PDE4D: variants seen among roughly 807,000 people sequenced by gnomAD.
PDE4D encodes phosphodiesterase 4D.
A neutral mutation model predicts 87.4 loss-of-function variants in PDE4D; 24 were observed. The ratio of observed to expected loss-of-function variants is 0.27; its 90% CI spans 0.20 to 0.39. The LOEUF is 0.39. Ranked by LOEUF, PDE4D falls within the 10% of genes least tolerant of loss-of-function variation. PDE4D has a pLI of 1.00. For synonymous variants in PDE4D, 384 were observed against 383.2 expected, an observed-to-expected ratio of 1.00 and a Z score of -0.02; for missense variants, 714 against 1,041.0, an observed-to-expected ratio of 0.69 and a Z score of 4.32.
intron 1 of PDE4D, among the ~76,000 whole-genome samples, chr5:60,377,715 G>A (rs1003675197): frequency 6.6e-5 from 10 of 152,038 alleles, no homozygotes; most frequent in East Asian, 1.9e-4. Context: ...ATTACTCCCC[G>A]TTAAAGGCTT....
intron 1 of PDE4D, among the ~76,000 whole-genome samples, chr5:59,594,297 TTTA>T (rs992430854): frequency 3.8e-5 from 3 of 79,700 alleles, no homozygotes; most frequent in African/African-American, 1.1e-4. Context: ...TTTTATTTTA[TTTA>T]TTTATTTATT....
rs963010365 is a variant in PDE4D, at chr5:60,024,808, T to C, written c.43-36091A>G. ...AAACATCCATTGAATATATAACATA[T>C]AAATCAATTTGGAAAAACAGTTTGA... is the stretch of plus-strand genomic sequence containing the variant. On this transcript the variant is annotated intron_variant, in intron 2 of 16. Transcript: ENST00000502484. Among the ~76,000 whole-genome samples the C allele has an allele frequency of 5.9e-5, 9 of 151,922 alleles. No individual in the cohort carries two copies. In the South Asian group the frequency reaches 1.9e-3, roughly 31 times the overall value.
intron 2 of PDE4D, among the ~76,000 whole-genome samples, chr5:60,044,490 A>G (rs1469651990): frequency 1.3e-5 from 2 of 152,014 alleles, no homozygotes; most frequent in Non-Finnish European, 2.9e-5. Context: ...CATTAGCTAT[A>G]TCTCCCATTG....
At chr5:59,876,231 T>C (rs1748588586) in intron 1 of PDE4D, among the ~76,000 whole-genome samples, 2 of 152,192 alleles carry the variant, frequency 1.3e-5, no homozygotes, top group Non-Finnish European at 2.9e-5. Context: ...AAGTGAACTG[T>C]GATCTGTGCA....
chr5:59,016,003 C>A (rs933680424), intron 6 of PDE4D, among the ~76,000 whole-genome samples: 5 of 152,154 alleles, frequency 3.3e-5, no homozygotes, highest in African/African-American at 1.2e-4. Context: ...TGGAAGCCAT[C>A]ATTCTGAGCA....
Position 59,860,197 on chromosome 5 carries a change from T to C in PDE4D, c.455+32971A>G, listed in dbSNP as rs1287045717. On this transcript the variant is annotated intron_variant, in intron 1 of 14. Coordinates refer to ENST00000340635, the MANE Select transcript of PDE4D (RefSeq NM_001104631.2). ...GCTTTTTACTGTGAGAATGGATAGG[T>C]TGAGCAAGGATAACAAGAATCAGCC... 2.0e-5 allele frequency among the ~76,000 whole-genome samples: 3 copies of C among 152,032 alleles called. No individual in the cohort carries two copies. The East Asian group carries it at 5.8e-4, about 29-fold the overall frequency.
chr5:59,407,262 G>A (rs531271275), intron 1 of PDE4D, among the ~76,000 whole-genome samples: 3 of 152,252 alleles, frequency 2.0e-5, no homozygotes, highest in East Asian at 1.9e-4. Flanking sequence ...CTATTGCCAC[G>A]TGAGATAGCT....
chr5:59,352,521 G>T (rs1024244047), intron 1 of PDE4D, among the ~76,000 whole-genome samples: 1 of 152,100 alleles, frequency 6.6e-6, no homozygotes, highest in Non-Finnish European at 1.5e-5. Context: ...GTGCAGTTTG[G>T]TTGGGCAATC....
chr5:59,773,991 G>T (rs943625770), intron 1 of PDE4D, among the ~76,000 whole-genome samples: 1 of 152,108 alleles, frequency 6.6e-6, no homozygotes, highest in Non-Finnish European at 1.5e-5. Flanking sequence ...AATTTATCTA[G>T]ACAGAGAATA....
At chr5:60,191,882 C>G (rs547308552) in intron 1 of PDE4D, among the ~76,000 whole-genome samples, 2 of 151,996 alleles carry the variant, frequency 1.3e-5, no homozygotes, top group East Asian at 3.9e-4. Context: ...GCACCTGTAA[C>G]CCAGCTACTC....
chr5:59,951,100 C>T (rs1274229743), intron 3 of PDE4D, among the ~76,000 whole-genome samples: 2 of 151,980 alleles, frequency 1.3e-5, no homozygotes, highest in Non-Finnish European at 2.9e-5. Flanking sequence ...AATGTTGTAA[C>T]ATTTATATTA....
At chr5:59,943,791 G>T (rs1350786663) in intron 3 of PDE4D, among the ~76,000 whole-genome samples, 1 of 152,146 alleles carries the variant, frequency 6.6e-6, no homozygotes, top group Non-Finnish European at 1.5e-5. Flanking sequence ...TAAGGAATGA[G>T]ATTGCAGAAT....
intron 2 of PDE4D, among the ~76,000 whole-genome samples, chr5:60,046,952 C>T (rs1769340604): frequency 6.6e-6 from 1 of 152,168 alleles, no homozygotes. Flanking sequence ...GTACCAGCTC[C>T]TCCTTGTACC....
chr5:59,308,940 G>A (rs1840846), intron 1 of PDE4D, among the ~76,000 whole-genome samples: 34,170 of 151,820 alleles, frequency 0.23, 4,192 homozygotes, highest in Admixed American at 0.34. Flanking sequence ...GGGGGATGGG[G>A]GTGAGATTCC....
intron 1 of PDE4D, among the ~76,000 whole-genome samples, chr5:59,575,029 A>G (rs1822894363): frequency 6.6e-6 from 1 of 152,222 alleles, no homozygotes; most frequent in South Asian, 2.1e-4. Context: ...AGAGAAATTA[A>G]TTAACACTGA....
intron 1 of PDE4D, among the ~76,000 whole-genome samples, chr5:59,736,934 C>T (rs1419174529): frequency 4.6e-5 from 7 of 151,978 alleles, no homozygotes; most frequent in Admixed American, 3.3e-4. Context: ...ACATTTAATA[C>T]AAAAGTATTA....
chr5:59,444,550 C>T (rs1798077588), intron 1 of PDE4D, among the ~76,000 whole-genome samples: 2 of 152,160 alleles, frequency 1.3e-5, no homozygotes, highest in African/African-American at 4.8e-5. Flanking sequence ...CGGTGGCTCA[C>T]GCCTGTAATC....
chr5:59,710,241 T>C (rs541858507), intron 1 of PDE4D, among the ~76,000 whole-genome samples: 56 of 152,268 alleles, frequency 3.7e-4, no homozygotes, highest in African/African-American at 1.3e-3. Flanking sequence ...GTTTTATACA[T>C]GAAAGGCCAT....
chr5:59,908,328 A>C (rs1020475223), intron 3 of PDE4D, among the ~76,000 whole-genome samples: 2 of 152,178 alleles, frequency 1.3e-5, no homozygotes, highest in Admixed American at 1.3e-4. Context: ...TTTTTTAAAA[A>C]ACAAGATGGA....
Sources: allele counts gnomAD v4.1 joint callset (sites outside exome capture counted in the v4.1 genomes callset), GRCh38; gene constraint gnomAD v4.1.1; transcripts MANE v1.5; gene names NCBI Gene and HGNC (gene_info 2026-07-23, HGNC 2026-07-21).